The following DGKB variants were observed in gnomAD, a reference collection of about 807,000 sequenced individuals.
DGKB encodes the protein diacylglycerol kinase beta, also known as 90 kDa diacylglycerol kinase.
A neutral mutation model predicts 114.3 loss-of-function variants in DGKB; 67 were observed. The ratio of observed to expected loss-of-function variants is 0.59; its 90% CI spans 0.48 to 0.72. DGKB has a LOEUF of 0.72. Ranked by LOEUF, DGKB falls within the 30% of genes least tolerant of loss-of-function variation. DGKB has a pLI of 0.00. For synonymous variants in DGKB, 398 were observed against 323.1 expected (o/e 1.23, Z -2.49); for missense variants, 907 against 975.2 (o/e 0.93, Z 0.93).
At chr7:14,473,631 C>T (rs1428592927) in intron 21 of DGKB, among the ~76,000 whole-genome samples, 1 of 152,120 alleles carries the variant, frequency 6.6e-6, no homozygotes, top group African/African-American at 2.4e-5. Flanking sequence ...TGGAGAAGCC[C>T]CAGACACTCA....
rs540240205 is a variant in DGKB at position 14,170,748 on chromosome 7, T to C, written c.2304+6091A>G. Among the ~76,000 whole-genome samples the C allele has an allele frequency of 4.6e-5, 7 of 152,340 alleles. No individual in the cohort carries two copies. In the East Asian group the frequency reaches 1.2e-3, roughly 25 times the overall value. On this transcript the variant is annotated intron_variant, in intron 25 of 25. Transcript: ENST00000402815. Reference sequence around the variant, plus strand: ...AATAAGCTCCAGAATACTGTTTTTCTTTTTGAATAGTCTGTATTTTAAAGT... The same window carrying C: ...AATAAGCTCCAGAATACTGTTTTTCCTTTTGAATAGTCTGTATTTTAAAGT...
At chr7:14,758,240 A>G (rs1470039166) in intron 2 of DGKB, among the ~76,000 whole-genome samples, 1 of 152,106 alleles carries the variant, frequency 6.6e-6, no homozygotes, top group Non-Finnish European at 1.5e-5. Context: ...CATATTACCA[A>G]AAGAATTATA....
chr7:14,727,516 T>C (rs1466607801), intron 5 of DGKB, among the ~76,000 whole-genome samples: 3 of 152,182 alleles, frequency 2.0e-5, no homozygotes, highest in South Asian at 2.1e-4. Flanking sequence ...TTGATATAAA[T>C]AAATATGAAT....
At chr7:14,922,147 T>A (rs908350510) in intron 1 of DGKB, among the ~76,000 whole-genome samples, 12 of 149,188 alleles carry the variant, frequency 8.0e-5, no homozygotes, top group Admixed American at 3.4e-4. Flanking sequence ...AGAAAAAAAA[T>A]GGAAAGAAAA....
chr7:14,497,579 T>C (rs187684939), intron 20 of DGKB, among the ~76,000 whole-genome samples: 1 of 151,950 alleles, frequency 6.6e-6, no homozygotes, highest in African/African-American at 2.4e-5. Flanking sequence ...CAGCCAGGCA[T>C]AAATGACCAT....
chr7:14,353,480 T>C lies in DGKB; in HGVS notation c.1836-8089A>G, dbSNP rs369917033. On this transcript the variant is annotated intron_variant, in intron 21 of 25. Transcript: ENST00000402815. ...AAAATAACTGGAGATGAAGCAGCCT[T>C]CTTGCCCCTATGAAGGAAAAGACAA... Among the ~76,000 whole-genome samples the C allele has an allele frequency of 5.9e-5, 9 of 152,302 alleles. No individual in the cohort carries two copies. In the South Asian group the frequency reaches 1.0e-3, roughly 18 times the overall value.
At position 14,271,827 on chromosome 7, in the gene DGKB, G is replaced by C. The variant is rs539917850; in HGVS notation, c.2122+66688C>G. ...GTGTGTGCTGGTGCCAAGGGGGCGA[G>C]GGTACAGGCAAAGCGTGATTTTCCA... On this transcript the variant is annotated intron_variant, in intron 23 of 25. Coordinates refer to ENST00000402815, the MANE Select transcript of DGKB (RefSeq NM_001350709.2). Among the ~76,000 whole-genome samples the C allele has an allele frequency of 3.3e-5, 5 of 152,158 alleles. No individual in the cohort carries two copies. In the South Asian group the frequency reaches 6.2e-4, roughly 19 times the overall value.
At chr7:14,638,615 G>C (rs1272442296) in intron 13 of DGKB, among the ~76,000 whole-genome samples, 1 of 152,134 alleles carries the variant, frequency 6.6e-6, no homozygotes. Context: ...ACACCCTTTT[G>C]CTGGGAGTGA....
chr7:14,538,730 C>T (rs1425465024), intron 20 of DGKB, among the ~76,000 whole-genome samples: 1 of 152,088 alleles, frequency 6.6e-6, no homozygotes, highest in Non-Finnish European at 1.5e-5. Context: ...GAAAACAACC[C>T]AAATCTTCAT....
chr7:14,675,684 C>T (rs1464167570), intron 12 of DGKB, among the ~76,000 whole-genome samples: 1 of 151,642 alleles, frequency 6.6e-6, no homozygotes, highest in African/African-American at 2.4e-5. Context: ...AAGGCACTCC[C>T]CAAGACATAG....
Position 14,556,225 on chromosome 7 carries a change from C to T in DGKB, c.1770+17987G>A, listed in dbSNP as rs111597093. Among the ~76,000 whole-genome samples the T allele has an allele frequency of 5.2e-3, 794 of 151,956 alleles. 11 individuals carry two copies. The highest frequency in any genetic ancestry group is 0.018 in the African/African-American group (759 of 41,438). On this transcript the variant is annotated intron_variant, in intron 20 of 25. Coordinates refer to ENST00000402815, the MANE Select transcript of DGKB (RefSeq NM_001350709.2). ...AGTGGTTTTTTAACTAAATGTAAAC[C>T]TTGGCATATTTTTAGTTTTGCTGGT...
chr7:14,884,134 C>T (rs973948313), intron 1 of DGKB, among the ~76,000 whole-genome samples: 1 of 151,952 alleles, frequency 6.6e-6, no homozygotes, highest in East Asian at 1.9e-4. Flanking sequence ...CTAGTGATCT[C>T]TGTTGTTGCA....
intron 20 of DGKB, among the ~76,000 whole-genome samples, chr7:14,505,539 A>G (rs1786904048): frequency 6.6e-6 from 1 of 152,112 alleles, no homozygotes; most frequent in Admixed American, 6.6e-5. Context: ...ACCTTTCACA[A>G]CTTTGCTGCC....
chr7:14,330,836 A>C (rs1309825100), intron 23 of DGKB, among the ~76,000 whole-genome samples: 1 of 152,030 alleles, frequency 6.6e-6, no homozygotes, highest in Non-Finnish European at 1.5e-5. Context: ...AATTTCATTA[A>C]TGCTTCTCGA....
intron 21 of DGKB, among the ~76,000 whole-genome samples, chr7:14,415,901 T>C (rs1317982946): frequency 6.6e-6 from 1 of 152,274 alleles, no homozygotes. Flanking sequence ...TGTAAAAGTG[T>C]TCCTATTTCT....
chr7:14,626,894 G>A (rs1008026151), intron 14 of DGKB, among the ~76,000 whole-genome samples: 3 of 152,138 alleles, frequency 2.0e-5, no homozygotes, highest in South Asian at 2.1e-4. Context: ...AAAGGCAAAA[G>A]TATGAGTTTA....
intron 21 of DGKB, among the ~76,000 whole-genome samples, chr7:14,455,413 A>T (rs1832134316): frequency 6.6e-6 from 1 of 152,042 alleles, no homozygotes; most frequent in Non-Finnish European, 1.5e-5. Context: ...TTTGCATATT[A>T]TCAACAAAAA....
intron 20 of DGKB, among the ~76,000 whole-genome samples, chr7:14,524,894 C>A (rs1209522712): frequency 1.3e-5 from 2 of 151,720 alleles, no homozygotes. Context: ...GAATAAAAAG[C>A]CCCATCACTG....
At chr7:14,748,308 A>G (rs1833650846) in intron 4 of DGKB, among the ~76,000 whole-genome samples, 1 of 152,126 alleles carries the variant, frequency 6.6e-6, no homozygotes. Context: ...AATGCTATAG[A>G]AAAAAAATAA....
Sources: allele counts gnomAD v4.1 joint callset (sites outside exome capture counted in the v4.1 genomes callset), GRCh38; gene constraint gnomAD v4.1.1; transcripts MANE v1.5; gene names NCBI Gene and HGNC (gene_info 2026-07-23, HGNC 2026-07-21).